XKR4: variants seen among roughly 807,000 people sequenced by gnomAD.
XKR4 encodes the protein XK related 4.
Under a neutral mutation model 53.9 loss-of-function variants are expected in XKR4, and 12 were observed. The ratio of observed to expected loss-of-function variants is 0.22; its 90% CI spans 0.14 to 0.36. XKR4 has a LOEUF of 0.36. Among genes scored for constraint, XKR4 ranks in the 10% least tolerant of loss-of-function variants. The pLI is 1.00. For synonymous variants in XKR4, 354 were observed against 362.4 expected (o/e 0.98, Z 0.26); for missense variants, 799 against 859.5 (o/e 0.93, Z 0.88).
rs1037673372 is a variant in XKR4, at chr8:55,528,364, C to T, written c.*4137C>T. The stretch of plus-strand genomic sequence containing the variant: ...TTGAATTGAGCAAAGAGAACCTCTT[C>T]TGTCCTTACCAGGATTGTGTAAGGT... On this transcript the variant is annotated 3_prime_UTR_variant, in exon 3 of 3. Coordinates refer to ENST00000327381, the MANE Select transcript of XKR4 (RefSeq NM_052898.2). 2 of 152,246 alleles carry T rather than the reference C, an allele frequency of 1.3e-5. No homozygotes were observed. Among genetic ancestry groups the T allele is most frequent in the African/African-American group, 4.8e-5 (2 of 41,470 alleles). 9.4% of individuals were successfully genotyped at this position (152,246 alleles called of 1,614,324 possible).
intron 1 of XKR4, among the ~76,000 whole-genome samples, chr8:55,292,660 TC>T (rs1819046931): frequency 6.6e-6 from 1 of 152,158 alleles, no homozygotes; most frequent in South Asian, 2.1e-4. Context: ...CTTTATTATT[TC>T]CTTCCTTCTA....
At chr8:55,314,471 G>A (rs1257883561) in intron 1 of XKR4, among the ~76,000 whole-genome samples, 2 of 152,070 alleles carry the variant, frequency 1.3e-5, no homozygotes, top group Non-Finnish European at 1.5e-5. Flanking sequence ...CATTTGTCCC[G>A]ACATTCAGCT....
chr8:55,496,351 C>A (rs565817881), intron 2 of XKR4, among the ~76,000 whole-genome samples: 1 of 151,998 alleles, frequency 6.6e-6, no homozygotes, highest in South Asian at 2.1e-4. Flanking sequence ...AAATAGCAGT[C>A]TAAAAGAAAA....
chr8:55,256,456 G>A (rs111992025), intron 1 of XKR4, among the ~76,000 whole-genome samples: 203 of 152,214 alleles, frequency 1.3e-3, no homozygotes, highest in African/African-American at 4.8e-3. Flanking sequence ...GGAAACCAAG[G>A]CATTGAAGTT....
intron 1 of XKR4, among the ~76,000 whole-genome samples, chr8:55,297,162 C>A (rs1321373808): frequency 6.6e-6 from 1 of 152,136 alleles, no homozygotes; most frequent in Non-Finnish European, 1.5e-5. Context: ...CATAAACAGA[C>A]AATTCCAACA....
At position 55,289,487 on chromosome 8, in the gene XKR4, C is replaced by G. The variant is rs115418478; in HGVS notation, c.807-68191C>G. Among the ~76,000 whole-genome samples the G allele has an allele frequency of 7.3e-3, 1,070 of 146,432 alleles. 16 individuals carry two copies. Among genetic ancestry groups the G allele is most frequent in the African/African-American group, 0.025 (1,003 of 39,390 alleles). On this transcript the variant is annotated intron_variant, in intron 1 of 2. Transcript: ENST00000327381. Reference sequence around the variant, plus strand: ...CCGAGATAGTGCCATTGCCTTCCAGCCTGGGAGGCAGAGTGAGATTCTGTC... The same window carrying G: ...CCGAGATAGTGCCATTGCCTTCCAGGCTGGGAGGCAGAGTGAGATTCTGTC...
intron 2 of XKR4, among the ~76,000 whole-genome samples, chr8:55,521,675 A>C (rs1004931925): frequency 6.6e-6 from 1 of 152,216 alleles, no homozygotes; most frequent in African/African-American, 2.4e-5. Flanking sequence ...TTTCCTTATC[A>C]ATAATTGTTC....
At chr8:55,487,310 T>A (rs1227329078) in intron 2 of XKR4, among the ~76,000 whole-genome samples, 3 of 152,146 alleles carry the variant, frequency 2.0e-5, no homozygotes, top group Non-Finnish European at 4.4e-5. Flanking sequence ...CTTTATTTGT[T>A]CTCTATGAGC....
At position 55,537,540 on chromosome 8, in the gene XKR4, C is replaced by T. The variant is rs73680579; in HGVS notation, c.*13313C>T. Reference sequence around the variant, plus strand: ...TCACCGTGAGCAGGCACACAGAGTACGGAAAGGTATTCAACTATGCAAAGA... The same window carrying T: ...TCACCGTGAGCAGGCACACAGAGTATGGAAAGGTATTCAACTATGCAAAGA... On this transcript the variant is annotated 3_prime_UTR_variant, in exon 3 of 3. Coordinates refer to ENST00000327381, the MANE Select transcript of XKR4 (RefSeq NM_052898.2). 3.9e-5 allele frequency: 6 copies of T among 152,132 alleles called. No homozygotes were observed. The highest frequency in any genetic ancestry group is 7.2e-5 in the African/African-American group (3 of 41,412). The allele number at this position is 152,132 out of a possible 1,614,324, so 9.4% of individuals were successfully genotyped here. A position where few individuals can be genotyped will look rare whatever the true frequency, so the allele number is the denominator to read the frequency against.
intron 1 of XKR4, among the ~76,000 whole-genome samples, chr8:55,330,047 T>A (rs1404163432): frequency 6.6e-6 from 1 of 152,176 alleles, no homozygotes; most frequent in East Asian, 1.9e-4. Context: ...TTGGGTGTGG[T>A]TATAAATATA....
chr8:55,280,629 T>C (rs1585984041), intron 1 of XKR4, among the ~76,000 whole-genome samples: 1 of 152,226 alleles, frequency 6.6e-6, no homozygotes, highest in Non-Finnish European at 1.5e-5. Context: ...ACTCACTCTT[T>C]ACTTTGGCAT....
intron 1 of XKR4, among the ~76,000 whole-genome samples, chr8:55,155,967 C>G (rs1322915931): frequency 6.6e-6 from 1 of 152,166 alleles, no homozygotes; most frequent in Non-Finnish European, 1.5e-5. Context: ...CAAGAACTCA[C>G]ACACAAAAAA....
intron 1 of XKR4, among the ~76,000 whole-genome samples, chr8:55,183,196 T>A (rs1277774691): frequency 1.3e-5 from 2 of 151,748 alleles, no homozygotes; most frequent in Non-Finnish European, 2.9e-5. Context: ...TAAAAATACA[T>A]ATCTTTCTAT....
intron 1 of XKR4, among the ~76,000 whole-genome samples, chr8:55,188,763 C>T (rs1014312852): frequency 2.6e-5 from 4 of 152,146 alleles, no homozygotes; most frequent in Non-Finnish European, 5.9e-5. Context: ...GTGAGTTGGG[C>T]ATGTTACTTA....
chr8:55,437,954 CAA>C (rs201207328), intron 2 of XKR4, among the ~76,000 whole-genome samples: 7 of 127,640 alleles, frequency 5.5e-5, no homozygotes, highest in Admixed American at 3.1e-4. Flanking sequence ...AACAAACAAA[CAA>C]AAAAAAAAAA....
intron 1 of XKR4, among the ~76,000 whole-genome samples, chr8:55,162,981 A>G (rs1307834134): frequency 6.6e-6 from 1 of 152,256 alleles, no homozygotes; most frequent in Admixed American, 6.5e-5. Context: ...AATATATAAT[A>G]TTGTAAAATG....
At chr8:55,416,830 T>A (rs186016164) in intron 2 of XKR4, among the ~76,000 whole-genome samples, 2 of 152,354 alleles carry the variant, frequency 1.3e-5, no homozygotes, top group Admixed American at 1.3e-4. Context: ...AAGTCTACAG[T>A]TTTTAACTCA....
chr8:55,509,559 C>A (rs142585817), intron 2 of XKR4, among the ~76,000 whole-genome samples: 1 of 152,128 alleles, frequency 6.6e-6, no homozygotes, highest in South Asian at 2.1e-4. Context: ...ACTCCTGTTC[C>A]TAGGAGTGTG....
At chr8:55,493,171 A>G (rs1251701250) in intron 2 of XKR4, among the ~76,000 whole-genome samples, 1 of 152,250 alleles carries the variant, frequency 6.6e-6, no homozygotes, top group Non-Finnish European at 1.5e-5. Flanking sequence ...GAATTAAGAG[A>G]CAAAATGTGG....
Sources: allele counts gnomAD v4.1 joint callset (sites outside exome capture counted in the v4.1 genomes callset), GRCh38; gene constraint gnomAD v4.1.1; transcripts MANE v1.5; gene names NCBI Gene and HGNC (gene_info 2026-07-23, HGNC 2026-07-21).